LINGO2: variants seen among roughly 807,000 people sequenced by gnomAD.
The protein encoded by LINGO2 is leucine-rich repeat and immunoglobulin-like domain-containing nogo receptor-interacting protein 2.
Under a neutral mutation model 30.6 loss-of-function variants are expected in LINGO2, and 14 were observed. The observed-to-expected ratio is 0.46, with a 90% CI of 0.30 to 0.72. The LOEUF is 0.72. LINGO2 is among the 30% of genes least tolerant of loss of function. The pLI is 0.07. For synonymous variants in LINGO2, 317 were observed against 288.5 expected (o/e 1.10, Z -1.00); for missense variants, 729 against 751.7 (o/e 0.97, Z 0.35).
chr9:28,981,146 AAT>A, the LINGO2 span, among the ~76,000 whole-genome samples: 4 of 152,114 alleles, frequency 2.6e-5, no homozygotes, highest in South Asian at 8.3e-4. Flanking sequence ...CTTAATCAAC[AAT>A]ACACAAGTGC....
the LINGO2 span, among the ~76,000 whole-genome samples, chr9:28,944,346 A>ACCT: frequency 6.4e-5 from 8 of 125,166 alleles, no homozygotes; most frequent in African/African-American, 2.1e-4. Flanking sequence ...GGCTGGACAT[A>ACCT]CCTCTATCTC....
At chr9:28,545,682 TA>T (rs1821901276) in intron 1 of LINGO2, among the ~76,000 whole-genome samples, 1 of 151,962 alleles carries the variant, frequency 6.6e-6, no homozygotes, top group African/African-American at 2.4e-5. Flanking sequence ...TAGTGGTCCT[TA>T]GGTGCTAGCC....
At chr9:28,815,081 A>C in the LINGO2 span, among the ~76,000 whole-genome samples, 1 of 152,222 alleles carries the variant, frequency 6.6e-6, no homozygotes, top group Admixed American at 6.5e-5. Flanking sequence ...TTCTATAGAG[A>C]GGCTGTCTCA....
intron 4 of LINGO2, among the ~76,000 whole-genome samples, chr9:28,136,732 T>G (rs1827527974): frequency 6.6e-6 from 1 of 152,166 alleles, no homozygotes; most frequent in African/African-American, 2.4e-5. Context: ...TGGTAAATTT[T>G]GTGTGTCAAC....
At chr9:27,953,124 A>T (rs544355452) in intron 5 of LINGO2, among the ~76,000 whole-genome samples, 1 of 152,228 alleles carries the variant, frequency 6.6e-6, no homozygotes, top group South Asian at 2.1e-4. Context: ...TGCCTGTCAT[A>T]TTGATAAAGT....
chr9:29,023,932 T>C, the LINGO2 span, among the ~76,000 whole-genome samples: 16 of 152,042 alleles, frequency 1.1e-4, no homozygotes, highest in South Asian at 3.1e-3. Context: ...TATGAAGCAC[T>C]TTTTTTTCCA....
chr9:28,954,645 T>A, the LINGO2 span, among the ~76,000 whole-genome samples: 1 of 152,184 alleles, frequency 6.6e-6, no homozygotes, highest in East Asian at 1.9e-4. Flanking sequence ...AATAATACCT[T>A]AGTCTTAACT....
intron 2 of LINGO2, among the ~76,000 whole-genome samples, chr9:28,387,200 C>G (rs1821618020): frequency 6.6e-6 from 1 of 152,008 alleles, no homozygotes; most frequent in South Asian, 2.1e-4. Flanking sequence ...ACACACCAAT[C>G]AGCACTCTGT....
chr9:27,966,969 T>G (rs1455382291), intron 5 of LINGO2, among the ~76,000 whole-genome samples: 2 of 152,122 alleles, frequency 1.3e-5, no homozygotes, highest in African/African-American at 4.8e-5. Flanking sequence ...TTCAATTTTA[T>G]CGATTGTTCC....
At chr9:28,494,554 T>G (rs544700581) in intron 1 of LINGO2, among the ~76,000 whole-genome samples, 2 of 152,304 alleles carry the variant, frequency 1.3e-5, no homozygotes, top group Non-Finnish European at 2.9e-5. Context: ...AACTCATCCT[T>G]TTTTATGGCT....
the LINGO2 span, among the ~76,000 whole-genome samples, chr9:29,062,140 T>C: frequency 0.33 from 50,153 of 151,858 alleles, 8,624 homozygotes; most frequent in East Asian, 0.48. Context: ...CATCACTTCA[T>C]ATTTTAGGAT....
chr9:28,543,737 A>G (rs939405681), intron 1 of LINGO2, among the ~76,000 whole-genome samples: 7 of 152,214 alleles, frequency 4.6e-5, no homozygotes, highest in Non-Finnish European at 8.8e-5. Flanking sequence ...TAAATAAAAC[A>G]TATTTCCTTG....
At chr9:28,701,991 A>G in the LINGO2 span, among the ~76,000 whole-genome samples, 1 of 151,946 alleles carries the variant, frequency 6.6e-6, no homozygotes, top group Admixed American at 6.6e-5. Context: ...CTTGGTATAA[A>G]CACTTATGAG....
chr9:28,924,117 G>T, the LINGO2 span, among the ~76,000 whole-genome samples: 40 of 152,142 alleles, frequency 2.6e-4, no homozygotes, highest in Non-Finnish European at 5.0e-4. Flanking sequence ...ATCTTGGCAC[G>T]TGCCCTGTGT....
At chr9:28,038,500 C>A (rs375668020) in intron 4 of LINGO2, among the ~76,000 whole-genome samples, 4 of 151,966 alleles carry the variant, frequency 2.6e-5, no homozygotes, top group African/African-American at 9.7e-5. Context: ...GAGACCATCC[C>A]GGCTAAAACG....
At chr9:28,837,912 T>C in the LINGO2 span, among the ~76,000 whole-genome samples, 3,902 of 151,782 alleles carry the variant, frequency 0.026, 81 homozygotes, top group Middle Eastern at 0.044. Context: ...TAGATTTAAA[T>C]TTATATGCTA....
the LINGO2 span, among the ~76,000 whole-genome samples, chr9:29,093,798 G>T: frequency 2.2e-5 from 3 of 137,410 alleles, 1 homozygote; most frequent in Non-Finnish European, 4.7e-5. Flanking sequence ...GTGCATAAAT[G>T]AGAAAGGAAG....
At chr9:28,262,569 T>G (rs781600942) in intron 4 of LINGO2, among the ~76,000 whole-genome samples, 1 of 152,038 alleles carries the variant, frequency 6.6e-6, no homozygotes, top group Non-Finnish European at 1.5e-5. Flanking sequence ...AATTCTTTAT[T>G]GGATTTTGAA....
the LINGO2 span, among the ~76,000 whole-genome samples, chr9:29,059,840 T>C: frequency 6.6e-5 from 10 of 152,104 alleles, no homozygotes; most frequent in African/African-American, 2.4e-4. Flanking sequence ...GTTTGAGTCA[T>C]AAAAAATTGA....
Sources: gnomAD v4.1 joint callset for allele counts (sites outside exome capture counted in the v4.1 genomes callset) on GRCh38, gnomAD v4.1.1 for gene constraint, MANE v1.5 for transcripts, NCBI Gene and HGNC (gene_info 2026-07-23, HGNC 2026-07-21) for gene names.